Variants in ZNF711 observed in about 807,000 individuals in gnomAD.
ZNF711 encodes the protein zinc finger protein 711.
ZNF711 carries 3 observed loss-of-function variants against 43.5 expected under a neutral mutation model. The ratio of observed to expected loss-of-function variants is 0.07; its 90% confidence interval spans 0.03 to 0.18. The LOEUF (loss-of-function observed/expected upper bound fraction) is 0.18. Ranked by LOEUF, ZNF711 falls within the 10% of genes least tolerant of loss-of-function variation. ZNF711 has a pLI of 1.00. For missense variants in ZNF711, 412 were observed against 604.0 expected (o/e 0.68, Z 3.33); for synonymous variants, 209 against 207.7 (o/e 1.01, Z -0.06).
chrX:85,249,442 A>G (rs756265043), intron 4 of ZNF711, among the ~76,000 whole-genome samples: 7 of 111,434 alleles, frequency 6.3e-5, no homozygotes, highest in Non-Finnish European at 1.3e-4. Flanking sequence ...GCCAAAACTC[A>G]CTTCATTCCT....
chrX:85,265,297 C>A (rs1569268593), intron 7 of ZNF711, 42 bp downstream of exon 7: 2 of 1,183,090 alleles, frequency 1.7e-6, no homozygotes, highest in East Asian at 6.0e-5. Flanking sequence ...CAGTAGCCAT[C>A]ATGCATTATT....
intron 5 of ZNF711, among the ~76,000 whole-genome samples, chrX:85,256,987 T>A (rs897560233): frequency 1.8e-5 from 2 of 111,565 alleles, no homozygotes; most frequent in African/African-American, 6.5e-5. Flanking sequence ...CAGTATGTCT[T>A]CAAAAGAGTA....
chrX:85,247,750 T>C (rs1351199898), intron 4 of ZNF711, 99 bp downstream of exon 4: 1 of 690,626 alleles, frequency 1.4e-6, no homozygotes. Context: ...CAATGAAAAC[T>C]TGTTCTTTTA....
chrX:85,250,192 A>T (rs1569258476), intron 4 of ZNF711, among the ~76,000 whole-genome samples: 1 of 112,058 alleles, frequency 8.9e-6, no homozygotes, highest in African/African-American at 3.2e-5. Flanking sequence ...TTGAAGTATG[A>T]GTGCCTTTGG....
At chrX:85,254,793 C>G (rs1929957587) in intron 4 of ZNF711, among the ~76,000 whole-genome samples, 1 of 94,807 alleles carries the variant, frequency 1.1e-5, no homozygotes, top group Non-Finnish European at 2.1e-5. Context: ...TAGAGCGAGA[C>G]TCCGTCTCAA....
intron 4 of ZNF711, among the ~76,000 whole-genome samples, chrX:85,252,923 C>A: frequency 8.9e-6 from 1 of 112,100 alleles, no homozygotes; most frequent in East Asian, 2.8e-4. Flanking sequence ...TGGTAACTAA[C>A]TTCCATAATG....
chrX:85,248,065 C>T (rs762053066), intron 4 of ZNF711, among the ~76,000 whole-genome samples: 2 of 109,190 alleles, frequency 1.8e-5, no homozygotes, highest in East Asian at 2.9e-4. Context: ...AAAAAAGATG[C>T]TTATATAGTG....
At position 85,270,862 on chromosome X, in the gene ZNF711, C is replaced by A; in HGVS notation, c.1458C>A (p.Asn486Lys). The A allele has an allele frequency of 8.3e-7, 1 of 1,207,862 alleles. No homozygotes were observed. Among genetic ancestry groups the A allele is most frequent in the Non-Finnish European group, 1.1e-6 (1 of 893,528 alleles). The change falls in exon 11 of 11, where the codon AAC becomes AAA. Residue 486 changes from asparagine (N) to lysine (K), a missense_variant. Asn to Lys is a moderately conservative substitution (Grantham distance 94). Around this residue, in one of 4 missense-constraint regions of ZNF711, gnomAD observed 375 missense variants for 514.2 expected, o/e 0.73. Transcript: ENST00000674551. The stretch of plus-strand genomic sequence containing the variant: ...ACTTAGAAAGCCATAAGCTCATAAA[C>A]AAAGTCGACAAAACCCATGAATTTA... ...HNHLESHKLINKVDKTHEFTE... is the reference protein window; with the variant it reads ...HNHLESHKLIKKVDKTHEFTE...
intron 5 of ZNF711, among the ~76,000 whole-genome samples, chrX:85,259,946 G>A (rs1302956289): frequency 9.0e-6 from 1 of 111,155 alleles, no homozygotes; most frequent in East Asian, 2.8e-4. Flanking sequence ...GATGAGAGTA[G>A]GCATCCTTGT....
In ZNF711 at chrX:85,255,775, C is replaced by T; in HGVS notation, c.596C>T (p.Thr199Ile). Residue 199 changes from threonine (T) to isoleucine (I), a missense_variant, in exon 5 of 11, where the codon ACT becomes ATT. Thr to Ile is a moderately conservative substitution (Grantham distance 89). Around this residue, in one of 4 missense-constraint regions of ZNF711, gnomAD observed 375 missense variants for 514.2 expected, o/e 0.73. Transcript: ENST00000674551. ...GATGATGATGATGATGTCAAGAGCA[C>T]TTCTGAAGACTACTTAATGATATCT... ...EDDDDDDVKSTSEDYLMISLD... is the reference protein window; with the variant it reads ...EDDDDDDVKSISEDYLMISLD... 8.3e-7 allele frequency: 1 copy of T among 1,210,031 alleles called. No individual in the cohort carries two copies. Among genetic ancestry groups the T allele is most frequent in the Non-Finnish European group, 1.1e-6 (1 of 894,951 alleles).
chrX:85,270,535 T>G, intron 10 of ZNF711, 116 bp from the exon 11 acceptor site: 4 of 633,703 alleles, frequency 6.3e-6, no homozygotes, highest in Non-Finnish European at 2.5e-6. Flanking sequence ...TTACAGGATT[T>G]CATTCAACTA....
At chrX:85,247,230 C>T (rs1427737548) in intron 3 of ZNF711, 42 bp downstream of exon 3, 3 of 306,270 alleles carry the variant, frequency 9.8e-6, no homozygotes. Context: ...TCTCGTTCTT[C>T]TTTTATAACC....
At chrX:85,257,834 GT>G (rs1387241912) in intron 5 of ZNF711, among the ~76,000 whole-genome samples, 1 of 113,149 alleles carries the variant, frequency 8.8e-6, no homozygotes, top group Non-Finnish European at 1.9e-5. Context: ...AACATCTGTT[GT>G]TTTTTTGACA....
At chrX:85,248,719 C>G (rs113868471) in intron 4 of ZNF711, among the ~76,000 whole-genome samples, 2 of 110,917 alleles carry the variant, frequency 1.8e-5, no homozygotes, top group African/African-American at 6.5e-5. Context: ...AAATGGTGAA[C>G]TGCGATAAAA....
In ZNF711 at chrX:85,264,416, A is replaced by G; in HGVS notation, c.764A>G (p.Asp255Gly). 1 of 1,204,522 alleles carries G rather than the reference A, an allele frequency of 8.3e-7. No homozygotes were observed. Among genetic ancestry groups the G allele is most frequent in the Non-Finnish European group, 1.1e-6 (1 of 891,572 alleles). ...TATATATTTAAAGCGGAGGCTGAAG[A>G]TGATGTTGAAATAGGTACAAACACT... is the stretch of plus-strand genomic sequence containing the variant. ...KVYIFKAEAE[D>G]DVEIGGTEIV... Residue 255 changes from aspartate (D) to glycine (G), a missense_variant, in exon 6 of 11, where the codon GAT becomes GGT. By Grantham distance (94) the Asp-to-Gly change is moderately conservative. Around this residue, in one of 4 missense-constraint regions of ZNF711, gnomAD observed 375 missense variants for 514.2 expected, o/e 0.73. Transcript: ENST00000674551.
chrX:85,251,508 G>A (rs2147800712), intron 4 of ZNF711, among the ~76,000 whole-genome samples: 1 of 111,432 alleles, frequency 9.0e-6, no homozygotes, highest in South Asian at 3.7e-4. Context: ...TTCTGGTGAT[G>A]TTCCAAGTAT....
chrX:85,269,158 A>G (rs1348613884), intron 9 of ZNF711, among the ~76,000 whole-genome samples: 1 of 111,251 alleles, frequency 9.0e-6, no homozygotes, highest in Non-Finnish European at 1.9e-5. Flanking sequence ...CTTTATATCA[A>G]GTACACTATT....
At chrX:85,269,381 C>CT (rs199938735) in intron 9 of ZNF711, among the ~76,000 whole-genome samples, 7,364 of 89,968 alleles carry the variant, frequency 0.082, 707 homozygotes, top group African/African-American at 0.26. Flanking sequence ...TTTCTTTTTT[C>CT]TTTTTTTTTT....
At position 85,272,652 on chromosome X, in the gene ZNF711, C is replaced by G. The variant is rs1931651780; in HGVS notation, c.*824C>G. 8.9e-6 allele frequency: 1 copy of G among 111,927 alleles called. No homozygotes were observed. Among genetic ancestry groups the G allele is most frequent in the South Asian group, 3.7e-4 (1 of 2,703 alleles). The allele number at this position is 111,927 out of a possible 1,213,427, so 9.2% of individuals were successfully genotyped here. On this transcript the variant is annotated 3_prime_UTR_variant, in exon 11 of 11. Coordinates refer to ENST00000674551, the MANE Select transcript of ZNF711 (RefSeq NM_001330574.2). ...ATCTAAAGATTAATTTGAGAGAACA[C>G]AGTTTTCTTAAATATTATAATGTCT...
Sources: gnomAD v4.1 joint callset for allele counts (sites outside exome capture counted in the v4.1 genomes callset) on GRCh38, gnomAD v4.1.1 for gene constraint, gnomAD v4.1.1 regional missense constraint, MANE v1.5 for transcripts, NCBI Gene and HGNC (gene_info 2026-07-23, HGNC 2026-07-21) for gene names.